SLC35F6: variants seen among roughly 807,000 people sequenced by gnomAD.
The protein encoded by SLC35F6 is ANT2-binding protein.
Under a neutral mutation model 29.4 loss-of-function variants are expected in SLC35F6, and 26 were observed. The observed-to-expected ratio is 0.89, with a 90% CI of 0.65 to 1.23. SLC35F6 has a LOEUF of 1.23. Among genes scored for constraint, SLC35F6 ranks in the 50% most tolerant of loss-of-function variants. The pLI is 0.00. For missense variants in SLC35F6, 428 were observed against 487.8 expected, an observed-to-expected ratio of 0.88 and a Z score of 1.15; for synonymous variants, 174 against 206.6, an observed-to-expected ratio of 0.84 and a Z score of 1.35.
At chr2:26,774,148 G>A (rs2148057950) in intron 1 of SLC35F6, 103 bp from the exon 2 acceptor site, 1 of 1,394,840 alleles carries the variant, frequency 7.2e-7, no homozygotes, top group Non-Finnish European at 9.9e-7. Flanking sequence ...TCTGGGGCCG[G>A]GTCACCCAGG....
intron 1 of SLC35F6, among the ~76,000 whole-genome samples, chr2:26,772,553 A>G (rs553277168): frequency 4.5e-4 from 68 of 152,292 alleles, no homozygotes; most frequent in African/African-American, 1.6e-3. Flanking sequence ...CAGGGTGTCA[A>G]CATGAGGGAG....
rs1664074635 is a variant in SLC35F6 at position 26,765,130 on chromosome 2, A to C, written c.77+704A>C. The C allele has an allele frequency of 6.3e-6, 3 of 473,290 alleles. No homozygotes were observed. The South Asian group carries it at 2.7e-4, about 42-fold the overall frequency. 29.3% of individuals were successfully genotyped at this position (473,290 alleles called of 1,614,324 possible). A position where few individuals can be genotyped will look rare whatever the true frequency, so the allele number is the denominator to read the frequency against. On this transcript the variant is annotated intron_variant, in intron 1 of 5. Coordinates refer to ENST00000344420, the MANE Select transcript of SLC35F6 (RefSeq NM_017877.4). ...AACCACTCCAAGGCTGCTGCATAGCAGATGAGGGGAACTAGGAGGTGGCAG... is the reference window on the plus strand; with the variant it reads ...AACCACTCCAAGGCTGCTGCATAGCCGATGAGGGGAACTAGGAGGTGGCAG...
Position 26,764,401 on chromosome 2 carries a change from G to C in SLC35F6, c.52G>C (p.Gly18Arg). The C allele has an allele frequency of 6.4e-7, 1 of 1,551,062 alleles. No individual in the cohort carries two copies. Among genetic ancestry groups the C allele is most frequent in the Non-Finnish European group, 8.7e-7 (1 of 1,146,860 alleles). ...LFLAGLMLVT[G>R]SINTLSAKWA... ...CCTGGCCGGGCTCATGCTTGTTACC[G>C]GCTCCATCAACACGCTCTCGGCAAA... The change falls in exon 1 of 6, where the codon GGC becomes CGC. Residue 18 changes from glycine (G) to arginine (R), a missense_variant. Transcript: ENST00000344420.
rs531650054 is a variant in SLC35F6, at chr2:26,777,459, G to A, written c.647-583G>A. ...GCAGCTCTTGTCTGGCCCCCGGTGAGCTAAGGGACTTAGGCAGAATGTGAA... is the reference window on the plus strand; with the variant it reads ...GCAGCTCTTGTCTGGCCCCCGGTGAACTAAGGGACTTAGGCAGAATGTGAA... On this transcript the variant is annotated intron_variant, in intron 5 of 5. Transcript: ENST00000344420. 1.9e-4 allele frequency among the ~76,000 whole-genome samples: 29 copies of A among 152,348 alleles called. 1 individual carries two copies. In the South Asian group the frequency reaches 6.0e-3, roughly 32 times the overall value.
At chr2:26,765,837 C>T (rs1368120203) in intron 1 of SLC35F6, among the ~76,000 whole-genome samples, 2 of 152,228 alleles carry the variant, frequency 1.3e-5, no homozygotes, top group African/African-American at 2.4e-5. Flanking sequence ...TGAGGGCTCC[C>T]ATCTCAGGAT....
At position 26,764,310 on chromosome 2, in the gene SLC35F6, C is replaced by T; in HGVS notation, c.-40C>T. ...CGCAGGAGACCCCGGGTGACGGGGC[C>T]CGGCGCCGCTAACTGGAGCGAACCC... On this transcript the variant is annotated 5_prime_UTR_variant, in exon 1 of 6. Transcript: ENST00000344420. 1 of 1,546,554 alleles carries T rather than the reference C, an allele frequency of 6.5e-7. No individual in the cohort carries two copies. Among genetic ancestry groups the T allele is most frequent in the Non-Finnish European group, 8.7e-7 (1 of 1,145,146 alleles).
At chr2:26,771,665 A>G (rs1459636544) in intron 1 of SLC35F6, among the ~76,000 whole-genome samples, 1 of 152,226 alleles carries the variant, frequency 6.6e-6, no homozygotes, top group African/African-American at 2.4e-5. Context: ...AGCCAACAGC[A>G]TATCAGGCAG....
chr2:26,774,934 G>T, intron 2 of SLC35F6, 110 bp from the exon 3 acceptor site: 1 of 1,269,876 alleles, frequency 7.9e-7, no homozygotes. Flanking sequence ...TTACATATTG[G>T]GGTTCTGGGT....
At chr2:26,764,716 A>T (rs771308997) in intron 1 of SLC35F6, 15 of 858,310 alleles carry the variant, frequency 1.7e-5, no homozygotes, top group Non-Finnish European at 2.1e-5. Flanking sequence ...CGGCCCTTCC[A>T]GTGCTGGCGT....
chr2:26,764,401 G>A lies in SLC35F6; in HGVS notation c.52G>A (p.Gly18Ser), dbSNP rs1418095452. The A allele has an allele frequency of 1.3e-6, 2 of 1,551,062 alleles. No homozygotes were observed. Among genetic ancestry groups the A allele is most frequent in the Non-Finnish European group, 1.7e-6 (2 of 1,146,860 alleles). ...CCTGGCCGGGCTCATGCTTGTTACC[G>A]GCTCCATCAACACGCTCTCGGCAAA... ...LFLAGLMLVT[G>S]SINTLSAKWA... The change falls in exon 1 of 6, where the codon GGC (glycine) becomes AGC (serine). Residue 18 changes from glycine to serine, a missense_variant. Coordinates refer to ENST00000344420, the MANE Select transcript of SLC35F6 (RefSeq NM_017877.4).
In SLC35F6 at chr2:26,775,293, C is replaced by T. The variant is rs1664277932; in HGVS notation, c.322+78C>T. On this transcript the variant is annotated intron_variant, in intron 3 of 5. Transcript: ENST00000344420. This position sits in a 1 kb window ranked among gnomAD's most constrained non-coding sequence, Gnocchi z 4.6. ...GGCTACTGGTGAAACAGCCCTATCC[C>T]ACCCACCTCCACTTCATCCCACCAT... 1 of 1,548,168 alleles carries T rather than the reference C, an allele frequency of 6.5e-7. No homozygotes were observed. Among genetic ancestry groups the T allele is most frequent in the South Asian group, 1.2e-5 (1 of 80,962 alleles).
chr2:26,778,550 T>C lies in SLC35F6; in HGVS notation c.*39T>C. 6.6e-7 allele frequency: 1 copy of C among 1,523,320 alleles called. No individual in the cohort carries two copies. The highest frequency in any genetic ancestry group is 2.3e-5 in the East Asian group (1 of 42,948). The allele number at this position is 1,523,320 out of a possible 1,614,324, so 94.4% of individuals were successfully genotyped here. ...CTTCTACTGCCACCCGGGTGCTCCT[T>C]CTCCCTGAGACTGAGGCCACACAGG... On this transcript the variant is annotated 3_prime_UTR_variant, in exon 6 of 6. Coordinates refer to ENST00000344420, the MANE Select transcript of SLC35F6 (RefSeq NM_017877.4).
rs900772490 is a variant in SLC35F6, at chr2:26,778,061, C to A, written c.666C>A (p.Ile222=). The A allele has an allele frequency of 1.2e-6, 2 of 1,611,612 alleles. No homozygotes were observed. The highest frequency in any genetic ancestry group is 1.7e-6 in the Non-Finnish European group (2 of 1,177,982). Residue 222 remains isoleucine (I), a synonymous_variant, in exon 6 of 6, where the codon ATC becomes ATA. Coordinates refer to ENST00000344420, the MANE Select transcript of SLC35F6 (RefSeq NM_017877.4). ...VGTEGLFGFV[I]LSLLLVPMYY... is the part of the protein sequence containing the mutation. Reference sequence around the variant, plus strand: ...CCCCAGGCCTCTTTGGCTTTGTGATCCTCTCCCTGCTGCTGGTGCCCATGT... The same window carrying A: ...CCCCAGGCCTCTTTGGCTTTGTGATACTCTCCCTGCTGCTGGTGCCCATGT...
At chr2:26,777,799 A>T (rs1421142122) in intron 5 of SLC35F6, among the ~76,000 whole-genome samples, 1 of 151,872 alleles carries the variant, frequency 6.6e-6, no homozygotes, top group Non-Finnish European at 1.5e-5. Flanking sequence ...GGGTCACAAT[A>T]TAAAATGTAT....
In SLC35F6 at chr2:26,775,806, G is replaced by T. The variant is rs1664290096; in HGVS notation, c.535+130G>T. On this transcript the variant is annotated intron_variant, in intron 4 of 5. Coordinates refer to ENST00000344420, the MANE Select transcript of SLC35F6 (RefSeq NM_017877.4). This position sits in a 1 kb window ranked among gnomAD's most constrained non-coding sequence, Gnocchi z 4.6. The stretch of plus-strand genomic sequence containing the variant: ...CTGGGTGAGGTGGGTAGCTCTGGAG[G>T]TGATGGATAGAATGTAGGGAAGACT... 9.5e-7 allele frequency: 1 copy of T among 1,048,414 alleles called. No homozygotes were observed. Among genetic ancestry groups the T allele is most frequent in the Non-Finnish European group, 1.3e-6 (1 of 744,812 alleles). The allele number at this position is 1,048,414 out of a possible 1,614,324, so 64.9% of individuals were successfully genotyped here. A position where few individuals can be genotyped will look rare whatever the true frequency, so the allele number is the denominator to read the frequency against.
At chr2:26,771,920 C>T (rs909116608) in intron 1 of SLC35F6, among the ~76,000 whole-genome samples, 20 of 152,180 alleles carry the variant, frequency 1.3e-4, no homozygotes, top group African/African-American at 4.3e-4. Flanking sequence ...CTTTCTTTGC[C>T]CCACTGGTAC....
intron 1 of SLC35F6, among the ~76,000 whole-genome samples, chr2:26,765,632 G>A (rs1664084094): frequency 6.6e-6 from 1 of 152,196 alleles, no homozygotes. Context: ...AGACGTGTAC[G>A]CACACGACAG....
At chr2:26,773,419 C>G (rs1008727246) in intron 1 of SLC35F6, among the ~76,000 whole-genome samples, 1 of 147,628 alleles carries the variant, frequency 6.8e-6, no homozygotes, top group African/African-American at 2.5e-5. Context: ...AGGAGAATGG[C>G]GTGAACCCGG....
intron 1 of SLC35F6, among the ~76,000 whole-genome samples, chr2:26,765,401 C>G (rs1664079913): frequency 2.0e-5 from 3 of 152,230 alleles, no homozygotes; most frequent in Admixed American, 1.3e-4. Flanking sequence ...GGGACAGGGC[C>G]TAGCCTCCCC....
Sources: gnomAD v4.1 joint callset for allele counts (sites outside exome capture counted in the v4.1 genomes callset) on GRCh38, gnomAD v4.1.1 for gene constraint, Gnocchi (gnomAD v3.1) non-coding constraint, MANE v1.5 for transcripts, NCBI Gene and HGNC (gene_info 2026-07-23, HGNC 2026-07-21) for gene names.